The following POGZ variants were observed in gnomAD, a reference collection of about 807,000 sequenced individuals.
POGZ encodes the protein pogo transposable element with ZNF domain.
In POGZ, 17 loss-of-function variants were observed where a neutral mutation model predicts 134.6. The ratio of observed to expected loss-of-function variants is 0.13; its 90% confidence interval spans 0.09 to 0.19. The LOEUF (loss-of-function observed/expected upper bound fraction) is 0.19. Ranked by LOEUF, POGZ falls within the 10% of genes least tolerant of loss-of-function variation. The pLI, the probability that POGZ is intolerant of heterozygous loss-of-function variation, is 1.00. For missense variants in POGZ, 1,306 were observed against 1,769.7 expected (o/e 0.74, Z 4.70); for synonymous variants, 693 against 657.1 (o/e 1.05, Z -0.84).
At chr1:151,444,849 C>T (rs557172274) in intron 1 of POGZ, among the ~76,000 whole-genome samples, 1 of 152,112 alleles carries the variant, frequency 6.6e-6, no homozygotes, top group East Asian at 1.9e-4. Flanking sequence ...AAGACTCCAT[C>T]TCTACAAATT....
Position 151,403,594 on chromosome 1 carries a change from TTC to T in POGZ, c.*1206_*1207del. On this transcript the variant is annotated 3_prime_UTR_variant, in exon 19 of 19. Coordinates refer to ENST00000271715, the MANE Select transcript of POGZ (RefSeq NM_015100.4). ...CCTCATGCAAATTGTAGAAAAAATT[TTC>T]TTTCCTTGAAGCTGGCAGTGAAAAA... is the stretch of plus-strand genomic sequence containing the variant. The T allele has an allele frequency of 1.0e-6, 1 of 985,838 alleles. No individual in the cohort carries two copies. The highest frequency in any genetic ancestry group is 1.2e-6 in the Non-Finnish European group (1 of 829,914). The allele number at this position is 985,838 out of a possible 1,614,324, so 61.1% of individuals were successfully genotyped here.
chr1:151,421,523 G>A (rs1396533936), intron 10 of POGZ, among the ~76,000 whole-genome samples: 1 of 152,158 alleles, frequency 6.6e-6, no homozygotes, highest in Non-Finnish European at 1.5e-5. Context: ...AGATATAAAA[G>A]GAAAGCAATT....
intron 7 of POGZ, 65 bp downstream of exon 7, chr1:151,427,758 T>A: frequency 9.5e-7 from 1 of 1,051,704 alleles, no homozygotes; most frequent in Non-Finnish European, 1.5e-6. Context: ...AAAGCTCTGA[T>A]ACAACAAACA....
In POGZ at chr1:151,405,608, T is replaced by C; in HGVS notation, c.3427A>G (p.Lys1143Glu). Residue 1143 changes from lysine (K) to glutamate (E), a missense_variant, in exon 19 of 19, where the codon AAG (lysine) becomes GAG (glutamate). Physicochemically the swap from Lys to Glu is moderately conservative, Grantham distance 56. Around this residue, in one of 10 missense-constraint regions of POGZ, gnomAD observed 161 missense variants for 185.4 expected, o/e 0.87. Coordinates refer to ENST00000271715, the MANE Select transcript of POGZ (RefSeq NM_015100.4). This position sits in a 1 kb window ranked among gnomAD's most constrained non-coding sequence, Gnocchi z 4.9. ...CCCACTGTCTGCAGGGCATTCTCCT[T>C]TCGATCATCACTGCTCAGCACCTCT... is the stretch of plus-strand genomic sequence containing the variant. ...DTEVLSSDDR[K>E]ENALQTVGTG... 1 of 1,614,204 alleles carries C rather than the reference T, an allele frequency of 6.2e-7. No individual in the cohort carries two copies. Among genetic ancestry groups the C allele is most frequent in the Non-Finnish European group, 8.5e-7 (1 of 1,180,040 alleles).
intron 1 of POGZ, among the ~76,000 whole-genome samples, chr1:151,446,270 A>C (rs562522740): frequency 1.4e-3 from 195 of 137,454 alleles, no homozygotes; most frequent in African/African-American, 4.5e-3. Flanking sequence ...AAAAAAAAAA[A>C]AAAACGAATT....
intron 3 of POGZ, among the ~76,000 whole-genome samples, chr1:151,436,753 T>C (rs1321875119): frequency 1.3e-5 from 2 of 152,256 alleles, no homozygotes; most frequent in African/African-American, 2.4e-5. Flanking sequence ...CATCAATTTA[T>C]GGACACAGGT....
intron 14 of POGZ, 32 bp from the exon 15 acceptor site, chr1:151,408,272 A>G: frequency 6.2e-7 from 1 of 1,605,074 alleles, no homozygotes; most frequent in Non-Finnish European, 8.5e-7. Flanking sequence ...AATTCTCATT[A>G]CTGCCTCATG....
At chr1:151,431,915 T>TC (rs1658757273) in intron 3 of POGZ, among the ~76,000 whole-genome samples, 1 of 152,070 alleles carries the variant, frequency 6.6e-6, no homozygotes, top group Non-Finnish European at 1.5e-5. Flanking sequence ...ACACCTCTAA[T>TC]CCCAGTACTT....
rs1374185560 is a variant in POGZ, at chr1:151,405,785, G to A, written c.3250C>T (p.His1084Tyr). Residue 1084 changes from histidine (H) to tyrosine (Y), a missense_variant, in exon 19 of 19, where the codon CAT becomes TAT. Physicochemically the swap from His to Tyr is moderately conservative, Grantham distance 83. Transcript: ENST00000271715. This position sits in a 1 kb window ranked among gnomAD's most constrained non-coding sequence, Gnocchi z 4.9. ...GTGTGGGCCACAGCTCGCCGGGCAT[G>A]GGGAGTCAGGTGGTGCCGCAGCATG... is the stretch of plus-strand genomic sequence containing the variant. The part of the protein sequence containing the change: ...RFMLRHHLTP[H>Y]ARRAVAHTLP... 2.5e-6 allele frequency: 4 copies of A among 1,614,056 alleles called. No individual in the cohort carries two copies. Among genetic ancestry groups the A allele is most frequent in the Non-Finnish European group, 3.4e-6 (4 of 1,180,036 alleles).
At chr1:151,408,985 A>G (rs1174288315) in intron 12 of POGZ, among the ~76,000 whole-genome samples, 157 bp from the exon 13 acceptor site, 2 of 152,182 alleles carry the variant, frequency 1.3e-5, no homozygotes, top group Non-Finnish European at 1.5e-5. Context: ...CAACATGACC[A>G]CAAAACCTAC....
intron 10 of POGZ, among the ~76,000 whole-genome samples, chr1:151,413,021 C>T (rs1654941286): frequency 6.6e-6 from 1 of 151,430 alleles, no homozygotes; most frequent in Non-Finnish European, 1.5e-5. Context: ...CCAGGTTGGT[C>T]TCGAACTCCT....
rs952753473 is a variant in POGZ at position 151,404,446 on chromosome 1, C to CA, written c.*355dup. The CA allele has an allele frequency of 4.0e-6, 4 of 1,004,482 alleles. No homozygotes were observed. The African/African-American group carries it at 7.0e-5, about 18-fold the overall frequency. 62.2% of individuals were successfully genotyped at this position (1,004,482 alleles called of 1,614,324 possible). A position where few individuals can be genotyped will look rare whatever the true frequency, so the allele number is the denominator to read the frequency against. On this transcript the variant is annotated 3_prime_UTR_variant, in exon 19 of 19. Transcript: ENST00000271715. ...GATACAATTGAGGTAAAAGGGGAAA[C>CA]AAAAAAATTTAACATTTGCCCACAA...
Position 151,403,108 on chromosome 1 carries a change from T to C in POGZ, c.*1694A>G, listed in dbSNP as rs3811409. Reference sequence around the variant, plus strand: ...GGGAAGAGAAGCCCAGATGGATCCTTGGTTGTTTTCAGATGTCAAAGGTTC... The same window carrying C: ...GGGAAGAGAAGCCCAGATGGATCCTCGGTTGTTTTCAGATGTCAAAGGTTC... On this transcript the variant is annotated 3_prime_UTR_variant, in exon 19 of 19. Transcript: ENST00000271715. 0.056 allele frequency: 29,354 copies of C among 524,316 alleles called. 1,283 individuals carry two copies. Among genetic ancestry groups the C allele is most frequent in the East Asian group, 0.31 (2,075 of 6,698 alleles). The allele number at this position is 524,316 out of a possible 1,614,324, so 32.5% of individuals were successfully genotyped here. A position where few individuals can be genotyped will look rare whatever the true frequency, so the allele number is the denominator to read the frequency against.
intron 3 of POGZ, among the ~76,000 whole-genome samples, chr1:151,438,006 C>T (rs889945299): frequency 6.6e-6 from 1 of 150,988 alleles, no homozygotes; most frequent in East Asian, 2.0e-4. Context: ...GTCAGGAGTT[C>T]GAGACCAGCC....
At chr1:151,449,383 G>A (rs753689320) in intron 1 of POGZ, among the ~76,000 whole-genome samples, 29 of 152,160 alleles carry the variant, frequency 1.9e-4, no homozygotes, top group Admixed American at 3.3e-4. Flanking sequence ...TGGGGGTGAG[G>A]AGAGGTGTTA....
At chr1:151,450,851 A>C (rs1367784284) in intron 1 of POGZ, 1 of 152,066 alleles carries the variant, frequency 6.6e-6, no homozygotes, top group African/African-American at 2.4e-5. Context: ...TAAAAGTTAC[A>C]GTAGCTCTGT....
intron 1 of POGZ, among the ~76,000 whole-genome samples, chr1:151,456,996 T>A (rs1215244031): frequency 1.3e-5 from 2 of 152,252 alleles, no homozygotes; most frequent in East Asian, 3.8e-4. Context: ...GCCTTGCTTT[T>A]GAACCATCAG....
chr1:151,456,951 G>GC (rs1180473942), intron 1 of POGZ, among the ~76,000 whole-genome samples: 2 of 152,188 alleles, frequency 1.3e-5, no homozygotes, highest in Non-Finnish European at 1.5e-5. Context: ...CCCCTGACTT[G>GC]CTTTGTGCTA....
intron 3 of POGZ, 140 bp from the exon 4 acceptor site, chr1:151,430,981 G>A (rs1441782841): frequency 2.0e-6 from 1 of 488,588 alleles, no homozygotes; most frequent in East Asian, 6.4e-5. Context: ...TGTCACCCAG[G>A]CTGGAGCACA....
Sources: allele counts gnomAD v4.1 joint callset (sites outside exome capture counted in the v4.1 genomes callset), GRCh38; gene constraint gnomAD v4.1.1; regional missense constraint gnomAD v4.1.1; non-coding constraint Gnocchi (gnomAD v3.1); transcripts MANE v1.5; gene names NCBI Gene and HGNC (gene_info 2026-07-23, HGNC 2026-07-21).